ZNF33B: variants seen among roughly 807,000 people sequenced by gnomAD.
The protein encoded by ZNF33B is zinc finger protein 33B, also known as zinc finger protein 11b (KOX 2).
A neutral mutation model predicts 45.8 loss-of-function variants in ZNF33B; 29 were observed. The observed-to-expected ratio is 0.63, with a 90% confidence interval of 0.47 to 0.86. The LOEUF (loss-of-function observed/expected upper bound fraction) is 0.86, where lower values mean the gene tolerates loss of function less well. ZNF33B is among the 40% of genes least tolerant of loss of function. The pLI is 0.00. For missense variants in ZNF33B, 831 were observed against 909.9 expected, an observed-to-expected ratio of 0.91 and a Z score of 1.12; for synonymous variants, 305 against 307.8, an observed-to-expected ratio of 0.99 and a Z score of 0.10.
At chr10:42,627,571 G>A (rs1838865414) in intron 4 of ZNF33B, among the ~76,000 whole-genome samples, 2 of 152,006 alleles carry the variant, frequency 1.3e-5, no homozygotes, top group African/African-American at 2.4e-5. Flanking sequence ...ACTTAACAGA[G>A]GTTTTATTTT....
chr10:42,593,361 C>T lies in ZNF33B; in HGVS notation c.1589G>A (p.Cys530Tyr). Reference protein sequence around the residue: ...TGLKPYECYECGKTFCLKSDL... With the variant: ...TGLKPYECYEYGKTFCLKSDL... ...TGACTTCAAGCAGAAGGTTTTCCCACATTCATAACATTCATAAGGTTTCAA... is the reference window on the plus strand; with the variant it reads ...TGACTTCAAGCAGAAGGTTTTCCCATATTCATAACATTCATAAGGTTTCAA... The change falls in exon 5 of 5, where the codon TGT (cysteine) becomes TAT (tyrosine). Residue 530 changes from cysteine (C) to tyrosine (Y), a missense_variant. By Grantham distance (194) the Cys-to-Tyr change is radical. Transcript: ENST00000359467. 1 of 1,613,848 alleles carries T rather than the reference C, an allele frequency of 6.2e-7. No homozygotes were observed. Among genetic ancestry groups the T allele is most frequent in the Non-Finnish European group, 8.5e-7 (1 of 1,179,950 alleles).
At chr10:42,627,131 G>A (rs993242715) in intron 4 of ZNF33B, among the ~76,000 whole-genome samples, 7 of 150,692 alleles carry the variant, frequency 4.6e-5, no homozygotes, top group Non-Finnish European at 7.4e-5. Context: ...AGCCTCCTGA[G>A]TAGCTGGGAT....
At chr10:42,598,351 C>T (rs901433405) in intron 4 of ZNF33B, among the ~76,000 whole-genome samples, 2 of 152,226 alleles carry the variant, frequency 1.3e-5, no homozygotes, top group Admixed American at 1.3e-4. Context: ...GCTGTGGGTC[C>T]TCTCTGGGTT....
At position 42,576,609 on chromosome 10, in the gene ZNF33B, G is replaced by A. The variant is rs34896798; in HGVS notation, c.74-1931C>T. Among the ~76,000 whole-genome samples the A allele has an allele frequency of 1.3e-3, 203 of 152,258 alleles. 1 individual carries two copies. The highest frequency in any genetic ancestry group is 2.3e-3 in the Non-Finnish European group (158 of 68,018). On this transcript the variant is annotated intron_variant, in intron 1 of 1. Transcript: ENST00000462075. ...AGACCAGAGCTTTTCAGATGTTACT[G>A]TGCGCACCCATCATCTGAGATCCTG...
intron 4 of ZNF33B, among the ~76,000 whole-genome samples, chr10:42,626,773 C>T (rs1327974266): frequency 6.6e-6 from 1 of 151,844 alleles, no homozygotes; most frequent in Non-Finnish European, 1.5e-5. Context: ...TGTGTAAAAT[C>T]ATCATTAATT....
chr10:42,611,390 A>T (rs941240734), intron 4 of ZNF33B, among the ~76,000 whole-genome samples: 5 of 152,154 alleles, frequency 3.3e-5, no homozygotes, highest in Non-Finnish European at 5.9e-5. Flanking sequence ...AATGATGCTG[A>T]GACAACTGAA....
chr10:42,600,011 T>A (rs1164874588), intron 4 of ZNF33B, among the ~76,000 whole-genome samples: 1 of 152,078 alleles, frequency 6.6e-6, no homozygotes, highest in East Asian at 1.9e-4. Flanking sequence ...TTATTGATGT[T>A]TAATTTAACT....
At chr10:42,585,184 T>C (rs1479177591), downstream of ZNF33B, among the ~76,000 whole-genome samples, 1 of 152,206 alleles carries the variant, frequency 6.6e-6, no homozygotes, top group Non-Finnish European at 1.5e-5. Flanking sequence ...CCTCACTTCA[T>C]GGCCTACGTG....
At chr10:42,575,404 G>A (rs7088403) in intron 1 of ZNF33B, among the ~76,000 whole-genome samples, 19,488 of 152,146 alleles carry the variant, frequency 0.13, 1,585 homozygotes, top group African/African-American at 0.22. Flanking sequence ...AGAAGCATCA[G>A]AGGGAACCTG....
intron 4 of ZNF33B, among the ~76,000 whole-genome samples, chr10:42,616,614 T>C (rs1016553545): frequency 1.3e-5 from 2 of 152,174 alleles, no homozygotes; most frequent in African/African-American, 4.8e-5. Context: ...GTAAAACTGG[T>C]GATACAAGAG....
In ZNF33B at chr10:42,632,032, C is replaced by T. The variant is rs751631870; in HGVS notation, c.155-8G>A. On this transcript the variant is annotated splice_region_variant and splice_polypyrimidine_tract_variant and intron_variant, in intron 3 of 4. Transcript: ENST00000359467. The stretch of plus-strand genomic sequence containing the variant: ...GTTTGTGAGCACAATACCCTGTTAA[C>T]AGGAAATAATTTAGGATTTGGACCA... The T allele has an allele frequency of 3.7e-6, 6 of 1,613,690 alleles. No individual in the cohort carries two copies. In the Admixed American group the frequency reaches 5.0e-5, roughly 13 times the overall value.
chr10:42,584,422 A>C (rs1352194045), downstream of ZNF33B, among the ~76,000 whole-genome samples: 2 of 152,032 alleles, frequency 1.3e-5, no homozygotes, highest in Non-Finnish European at 2.9e-5. Context: ...TGGTGGTCAA[A>C]TTGCCACCTG....
Position 42,631,943 on chromosome 10 carries a change from C to T in ZNF33B, c.236G>A (p.Ser79Asn). The stretch of plus-strand genomic sequence containing the variant: ...TATTAACCCACCTGGAAAGCTCTGG[C>T]TTGGGAATTCTTCCTCCAGTCTCCA... ...EPWRLEEEFP[S>N]QSFPEVWTAD... Residue 79 changes from serine to asparagine, a missense_variant, in exon 4 of 5, where the codon AGC becomes AAC. Physicochemically the swap from Ser to Asn is conservative, Grantham distance 46 (BLOSUM62 1). Transcript: ENST00000359467. 1 of 1,614,094 alleles carries T rather than the reference C, an allele frequency of 6.2e-7. No individual in the cohort carries two copies. The highest frequency in any genetic ancestry group is 1.1e-5 in the South Asian group (1 of 91,074).
intron 1 of ZNF33B, among the ~76,000 whole-genome samples, chr10:42,581,083 G>A (rs551284918): frequency 3.3e-5 from 5 of 152,234 alleles, no homozygotes; most frequent in African/African-American, 1.2e-4. Context: ...TCCTGAGTAA[G>A]CCCTGGGATA....
chr10:42,637,529 G>T (rs1347058195), intron 1 of ZNF33B, among the ~76,000 whole-genome samples: 1 of 152,176 alleles, frequency 6.6e-6, no homozygotes, highest in Non-Finnish European at 1.5e-5. Context: ...TTAGGGGTCA[G>T]GAGAAGTGAC....
At chr10:42,619,663 A>T (rs1441244058) in intron 4 of ZNF33B, among the ~76,000 whole-genome samples, 2 of 152,210 alleles carry the variant, frequency 1.3e-5, no homozygotes, top group Non-Finnish European at 2.9e-5. Context: ...AATGGATAAG[A>T]ACTAAATATA....
chr10:42,634,328 A>C (rs557261446), intron 2 of ZNF33B, among the ~76,000 whole-genome samples: 1 of 152,040 alleles, frequency 6.6e-6, no homozygotes, highest in African/African-American at 2.4e-5. Context: ...AATCACTCGA[A>C]CCCAGGAGGT....
Position 42,589,951 on chromosome 10 carries a change from A to C in ZNF33B, c.*2662T>G, listed in dbSNP as rs1419893992. On this transcript the variant is annotated 3_prime_UTR_variant, in exon 5 of 5. Transcript: ENST00000359467. Reference sequence around the variant, plus strand: ...GGTTTTTTGTAGTAGTTCTTTATCAAATTGAGTAAGTTCTCCTGTATTCCT... The same window carrying C: ...GGTTTTTTGTAGTAGTTCTTTATCACATTGAGTAAGTTCTCCTGTATTCCT... 6.6e-6 allele frequency: 1 copy of C among 152,176 alleles called. No individual in the cohort carries two copies. The highest frequency in any genetic ancestry group is 1.5e-5 in the Non-Finnish European group (1 of 68,024). 9.4% of individuals were successfully genotyped at this position (152,176 alleles called of 1,614,324 possible).
rs1837315202 is a variant in ZNF33B, at chr10:42,594,587, T to C, written c.363A>G (p.Val121=). Residue 121 remains valine, a synonymous_variant, in exon 5 of 5, where the codon GTA becomes GTG. Transcript: ENST00000359467. ...CGTCCATGTTAAATGGTATTCCTAT[T>C]ACATTACCTTGTTCCTTAGTCAGCA... ...NEMLTKEQGN[V]IGIPFNMDVS... is the part of the protein sequence containing the mutation. 1 of 1,612,860 alleles carries C rather than the reference T, an allele frequency of 6.2e-7. No homozygotes were observed. Among genetic ancestry groups the C allele is most frequent in the Non-Finnish European group, 8.5e-7 (1 of 1,179,590 alleles).
Sources: gnomAD v4.1 joint callset for allele counts (sites outside exome capture counted in the v4.1 genomes callset) on GRCh38, gnomAD v4.1.1 for gene constraint, MANE v1.5 for transcripts, NCBI Gene and HGNC (gene_info 2026-07-23, HGNC 2026-07-21) for gene names.